Variants in FNDC3B observed in about 807,000 individuals in gnomAD.
The protein encoded by FNDC3B is fibronectin type III domain containing 3B, also known as fibronectin type III domain-containing protein 3B.
FNDC3B carries 12 observed loss-of-function variants against 151.5 expected under a neutral mutation model. The ratio of observed to expected loss-of-function variants is 0.08; its 90% CI spans 0.05 to 0.13. The LOEUF (loss-of-function observed/expected upper bound fraction) is 0.13. Ranked by LOEUF, FNDC3B falls within the 10% of genes least tolerant of loss-of-function variation. The probability of loss-of-function intolerance (pLI) is 1.00; values close to 1 mark genes in which losing one functional copy is unlikely to be tolerated. For synonymous variants in FNDC3B, 528 were observed against 549.0 expected (o/e 0.96, Z 0.54); for missense variants, 1,214 against 1,505.3 (o/e 0.81, Z 3.20).
Position 172,040,227 on chromosome 3 carries a change from G to T in FNDC3B, c.-29+456G>T, listed in dbSNP as rs1715951462. Among the ~76,000 whole-genome samples, 2 of 152,156 alleles carry T rather than the reference G, an allele frequency of 1.3e-5. No individual in the cohort carries two copies. On this transcript the variant is annotated intron_variant, in intron 1 of 25. Coordinates refer to ENST00000415807, the MANE Select transcript of FNDC3B (RefSeq NM_022763.4). The surrounding 1 kb of genome is among the most constrained non-coding windows in gnomAD (Gnocchi z 6.6). ...CGGGCGGCGAGGCCGAGGAATCTTCGACGTGTCACTTTCTGAGGCTGTAGA... is the reference window on the plus strand; with the variant it reads ...CGGGCGGCGAGGCCGAGGAATCTTCTACGTGTCACTTTCTGAGGCTGTAGA...
chr3:172,076,543 C>T (rs1718020142), intron 1 of FNDC3B, among the ~76,000 whole-genome samples: 1 of 152,230 alleles, frequency 6.6e-6, no homozygotes, highest in South Asian at 2.1e-4. Context: ...CTTGAGTGCA[C>T]ATCTTGGCAA....
At chr3:172,164,181 A>G (rs1032314810) in intron 3 of FNDC3B, among the ~76,000 whole-genome samples, 11 of 152,188 alleles carry the variant, frequency 7.2e-5, no homozygotes, top group Admixed American at 7.2e-4. Context: ...GTACTGTCAG[A>G]TTATTTTTGA....
chr3:172,344,132 G>T lies in FNDC3B; in HGVS notation c.2124G>T (p.Val708=), dbSNP rs776310698. ...ESGCEVSEYS[V]EMTEPEDVAS... ...GCTGTGAGGTCTCAGAGTACAGCGT[G>T]GAGATGACGGAGCCCGAAGACGTAG... Residue 708 remains valine (V), a synonymous_variant, in exon 19 of 26, where the codon GTG becomes GTT. Coordinates refer to ENST00000415807, the MANE Select transcript of FNDC3B (RefSeq NM_022763.4). 6.2e-7 allele frequency: 1 copy of T among 1,614,186 alleles called. No individual in the cohort carries two copies. Among genetic ancestry groups the T allele is most frequent in the South Asian group, 1.1e-5 (1 of 91,082 alleles).
intron 7 of FNDC3B, among the ~76,000 whole-genome samples, chr3:172,288,766 A>G (rs1730155069): frequency 6.6e-6 from 1 of 152,198 alleles, no homozygotes; most frequent in Non-Finnish European, 1.5e-5. Context: ...CAGTTTGATG[A>G]AAATCACCTG....
chr3:172,326,810 C>T (rs893424652), intron 11 of FNDC3B, among the ~76,000 whole-genome samples: 1 of 151,044 alleles, frequency 6.6e-6, no homozygotes, highest in East Asian at 1.9e-4. Flanking sequence ...GAAACACTGA[C>T]TTTTTTTTTA....
rs550605238 is a variant in FNDC3B, at chr3:172,378,446, C to G, written c.3175+10C>G. ...CCCCCCACCATCAAAGGTGTGTAGA[C>G]TATGTATTCTTTCTCGCTCTCTTGT... is the stretch of plus-strand genomic sequence containing the variant. On this transcript the variant is annotated intron_variant, in intron 24 of 25. Coordinates refer to ENST00000415807, the MANE Select transcript of FNDC3B (RefSeq NM_022763.4). 6.3e-7 allele frequency: 1 copy of G among 1,589,594 alleles called. No individual in the cohort carries two copies. Among genetic ancestry groups the G allele is most frequent in the South Asian group, 1.1e-5 (1 of 87,130 alleles).
At chr3:172,293,365 A>G (rs1005172491) in intron 7 of FNDC3B, among the ~76,000 whole-genome samples, 4 of 152,200 alleles carry the variant, frequency 2.6e-5, no homozygotes, top group Non-Finnish European at 5.9e-5. Context: ...GTCTGGAGCT[A>G]TAGCAGTCTT....
chr3:172,315,091 T>C (rs1235685329), intron 11 of FNDC3B, among the ~76,000 whole-genome samples: 1 of 152,150 alleles, frequency 6.6e-6, no homozygotes, highest in Non-Finnish European at 1.5e-5. Context: ...AAAACGGAAT[T>C]TACAGCCGGG....
At chr3:172,340,171 G>T (rs531691173) in intron 16 of FNDC3B, among the ~76,000 whole-genome samples, 15 of 152,282 alleles carry the variant, frequency 9.9e-5, no homozygotes, top group Middle Eastern at 3.4e-3. Context: ...CATCAGCCTT[G>T]GGGGGCACCC....
chr3:172,241,458 A>G (rs926895402), intron 4 of FNDC3B, among the ~76,000 whole-genome samples: 1 of 152,160 alleles, frequency 6.6e-6, no homozygotes, highest in African/African-American at 2.4e-5. Context: ...GGCAATTTAC[A>G]TAGGAAAAAG....
At chr3:172,203,028 G>A (rs1725237472) in intron 3 of FNDC3B, among the ~76,000 whole-genome samples, 1 of 152,124 alleles carries the variant, frequency 6.6e-6, no homozygotes, top group African/African-American at 2.4e-5. Context: ...GCTGGCAGTA[G>A]TTTTCCTGAG....
chr3:172,050,084 T>G (rs529463768), intron 1 of FNDC3B, among the ~76,000 whole-genome samples: 1 of 151,662 alleles, frequency 6.6e-6, no homozygotes. Flanking sequence ...CTCCCTCTGT[T>G]TTTTTTTTGT....
intron 20 of FNDC3B, among the ~76,000 whole-genome samples, 185 bp from the exon 21 acceptor site, chr3:172,347,027 A>G (rs989062336): frequency 6.6e-5 from 10 of 152,128 alleles, no homozygotes; most frequent in Admixed American, 5.9e-4. Context: ...AAATTTCTAA[A>G]TCTCAAAAAA....
rs549105988 is a variant in FNDC3B, at chr3:172,179,697, C to T, written c.187+46151C>T. On this transcript the variant is annotated intron_variant, in intron 3 of 25. Coordinates refer to ENST00000415807, the MANE Select transcript of FNDC3B (RefSeq NM_022763.4). ...AGGAGTTTGATGTTAGCCTGGGCAA[C>T]ATGGCAAGACTCCGTCTCTACAAAA... Among the ~76,000 whole-genome samples, 196 of 151,984 alleles carry T rather than the reference C, an allele frequency of 1.3e-3. 2 individuals carry two copies. The highest frequency in any genetic ancestry group is 0.01 in the Middle Eastern group (3 of 294).
intron 3 of FNDC3B, among the ~76,000 whole-genome samples, chr3:172,143,844 G>T (rs1457202813): frequency 1.3e-5 from 2 of 151,666 alleles, no homozygotes; most frequent in Non-Finnish European, 2.9e-5. Flanking sequence ...GGGAGGTGAA[G>T]GTTGCAGTGA....
At chr3:172,388,797 C>CATTT (rs1347088817) in intron 25 of FNDC3B, among the ~76,000 whole-genome samples, 2 of 152,162 alleles carry the variant, frequency 1.3e-5, no homozygotes, top group African/African-American at 4.8e-5. Context: ...TGGCACCAAG[C>CATTT]ATTTGTCCTG....
chr3:172,356,646 C>A (rs570149080), intron 22 of FNDC3B, among the ~76,000 whole-genome samples: 6 of 152,272 alleles, frequency 3.9e-5, no homozygotes, highest in South Asian at 4.1e-4. Flanking sequence ...GAGGCCAGTT[C>A]CGACTCCTCC....
chr3:172,233,360 G>A (rs1025537048), intron 4 of FNDC3B, among the ~76,000 whole-genome samples: 22 of 152,156 alleles, frequency 1.4e-4, no homozygotes, highest in Admixed American at 1.2e-3. Flanking sequence ...CAAAAATACC[G>A]CATTGGATTA....
At chr3:172,337,675 CTTTGG>C (rs561424434) in intron 16 of FNDC3B, 1 of 396,716 alleles carries the variant, frequency 2.5e-6, no homozygotes, top group South Asian at 3.0e-5. Flanking sequence ...GTTTTTGTTT[CTTTGG>C]TTTGGTTTGT....
Sources: allele counts gnomAD v4.1 joint callset (sites outside exome capture counted in the v4.1 genomes callset), GRCh38; gene constraint gnomAD v4.1.1; non-coding constraint Gnocchi (gnomAD v3.1); transcripts MANE v1.5; gene names NCBI Gene and HGNC (gene_info 2026-07-23, HGNC 2026-07-21).